Variants in HECW2 observed in about 807,000 individuals in gnomAD.
HECW2 encodes E3 ubiquitin-protein ligase HECW2.
In HECW2, 61 loss-of-function variants were observed where a neutral mutation model predicts 175.2. That is an observed-to-expected ratio of 0.35 (90% CI 0.28 to 0.43). The LOEUF is 0.43. HECW2 is among the 20% of genes least tolerant of loss of function. HECW2 has a pLI of 1.00. For missense variants in HECW2, 1,524 were observed against 2,000.5 expected (o/e 0.76, Z 4.54); for synonymous variants, 671 against 731.0 (o/e 0.92, Z 1.32).
At chr2:196,518,735 T>C (rs1205237123) in intron 1 of HECW2, among the ~76,000 whole-genome samples, 2 of 151,546 alleles carry the variant, frequency 1.3e-5, no homozygotes, top group African/African-American at 4.9e-5. Flanking sequence ...CCCTCTGATA[T>C]GACCTACCGT....
chr2:196,275,471 G>T (rs950615366), intron 15 of HECW2, among the ~76,000 whole-genome samples: 1 of 151,918 alleles, frequency 6.6e-6, no homozygotes, highest in African/African-American at 2.4e-5. Context: ...GGAAATGTGT[G>T]GGCCAGGCAC....
chr2:196,427,403 T>C (rs6434858), intron 2 of HECW2, among the ~76,000 whole-genome samples: 144,334 of 152,228 alleles, frequency 0.95, 68,523 homozygotes, highest in East Asian at 1. Context: ...ATGGAGCCTT[T>C]TGAAGTGTTT....
chr2:196,271,048 T>G (rs1054303989), intron 17 of HECW2, 145 bp downstream of exon 17: 4 of 614,402 alleles, frequency 6.5e-6, no homozygotes, highest in African/African-American at 5.6e-5. Flanking sequence ...CAATACCTGG[T>G]GATGATGACA....
intron 2 of HECW2, among the ~76,000 whole-genome samples, chr2:196,344,136 A>G (rs1692863820): frequency 6.6e-6 from 1 of 152,156 alleles, no homozygotes; most frequent in Non-Finnish European, 1.5e-5. Context: ...AAGGAAGAAC[A>G]GACCTAGGAG....
chr2:196,209,130 C>T (rs1008887354), intron 28 of HECW2, among the ~76,000 whole-genome samples: 1 of 152,200 alleles, frequency 6.6e-6, no homozygotes, highest in Non-Finnish European at 1.5e-5. Context: ...CTGTCACTCA[C>T]AAATAGACAC....
intron 23 of HECW2, among the ~76,000 whole-genome samples, chr2:196,224,194 T>C (rs1483015019): frequency 6.6e-6 from 1 of 152,160 alleles, no homozygotes; most frequent in Non-Finnish European, 1.5e-5. Context: ...GGCCTGAGAA[T>C]AGTGGCACTA....
intron 1 of HECW2, among the ~76,000 whole-genome samples, chr2:196,539,738 A>G (rs911236928): frequency 1.3e-5 from 2 of 152,224 alleles, no homozygotes; most frequent in African/African-American, 2.4e-5. Flanking sequence ...ATCTTCCTCA[A>G]TCAAGTAAGT....
intron 28 of HECW2, among the ~76,000 whole-genome samples, chr2:196,210,071 C>G (rs1687219789): frequency 6.6e-6 from 1 of 152,116 alleles, no homozygotes; most frequent in African/African-American, 2.4e-5. Flanking sequence ...CCTGGTTTTT[C>G]TTTTAATTGA....
intron 21 of HECW2, among the ~76,000 whole-genome samples, chr2:196,229,469 G>A (rs1337119570): frequency 6.6e-6 from 1 of 152,128 alleles, no homozygotes; most frequent in Non-Finnish European, 1.5e-5. Context: ...AGATAAGCCT[G>A]GGCAAGGAGT....
intron 1 of HECW2, among the ~76,000 whole-genome samples, chr2:196,547,493 AC>A (rs1209487563): frequency 1.3e-5 from 2 of 152,212 alleles, no homozygotes; most frequent in African/African-American, 4.8e-5. Context: ...TTGTAGGTGT[AC>A]TTTTGTGTCC....
intron 3 of HECW2, among the ~76,000 whole-genome samples, chr2:196,334,800 T>C (rs1410996841): frequency 6.6e-6 from 1 of 152,252 alleles, no homozygotes; most frequent in Non-Finnish European, 1.5e-5. Context: ...CTGGCATTTA[T>C]TGAGGTGCTC....
chr2:196,294,554 G>A (rs997065711), intron 13 of HECW2, among the ~76,000 whole-genome samples: 1 of 152,122 alleles, frequency 6.6e-6, no homozygotes, highest in Non-Finnish European at 1.5e-5. Context: ...ACAGCCCAAG[G>A]CAAACCCCAA....
chr2:196,262,624 G>T (rs73042391), intron 17 of HECW2, among the ~76,000 whole-genome samples: 6,116 of 151,116 alleles, frequency 0.04, 413 homozygotes, highest in African/African-American at 0.14. Flanking sequence ...GGAGTGAAGA[G>T]ACCCAATCTC....
chr2:196,471,597 A>G (rs1038720234), intron 1 of HECW2, among the ~76,000 whole-genome samples: 1 of 152,248 alleles, frequency 6.6e-6, no homozygotes, highest in Non-Finnish European at 1.5e-5. Flanking sequence ...TGGATGAAGA[A>G]AATGTTATAC....
chr2:196,464,248 T>C (rs561638694), intron 1 of HECW2, among the ~76,000 whole-genome samples: 1 of 152,286 alleles, frequency 6.6e-6, no homozygotes, highest in East Asian at 1.9e-4. Context: ...TTTTAGGGCC[T>C]TTAAACATAC....
At chr2:196,320,916 C>T (rs577743769) in intron 7 of HECW2, among the ~76,000 whole-genome samples, 24 of 152,330 alleles carry the variant, frequency 1.6e-4, no homozygotes, top group African/African-American at 5.5e-4. Context: ...CAACATGGCA[C>T]GTAGGGCACT....
In HECW2 at chr2:196,274,175, T is replaced by C. The variant is rs778694605; in HGVS notation, c.3136-52A>G. ...CTGCACCAAGAGCCAGAATGCTCTA[T>C]ATCAGCATCCCAAACCAAGTTGTTC... On this transcript the variant is annotated intron_variant, in intron 15 of 28. Transcript: ENST00000644978. 4 of 1,361,734 alleles carry C rather than the reference T, an allele frequency of 2.9e-6. No homozygotes were observed. In the African/African-American group the frequency reaches 4.3e-5, roughly 15 times the overall value. The allele number at this position is 1,361,734 out of a possible 1,614,324, so 84.4% of individuals were successfully genotyped here.
At chr2:196,279,044 TAA>T (rs898977664) in intron 14 of HECW2, among the ~76,000 whole-genome samples, 14 of 136,950 alleles carry the variant, frequency 1.0e-4, no homozygotes, top group African/African-American at 2.2e-4. Flanking sequence ...CCTTGAAACT[TAA>T]AAAAAAAAAT....
intron 2 of HECW2, among the ~76,000 whole-genome samples, chr2:196,404,398 G>C (rs1288091713): frequency 1.3e-5 from 2 of 152,136 alleles, no homozygotes; most frequent in Non-Finnish European, 2.9e-5. Context: ...AGAAGAAAAT[G>C]ATGTTTTTAT....
Sources: allele counts gnomAD v4.1 joint callset (sites outside exome capture counted in the v4.1 genomes callset), GRCh38; gene constraint gnomAD v4.1.1; transcripts MANE v1.5; gene names NCBI Gene and HGNC (gene_info 2026-07-23, HGNC 2026-07-21).